Variants in EIPR1 observed in about 807,000 individuals in gnomAD.
EIPR1 encodes EARP and GARP complex-interacting protein 1.
EIPR1 carries 25 observed loss-of-function variants against 48.1 expected under a neutral mutation model. The observed-to-expected ratio is 0.52, with a 90% CI of 0.38 to 0.73. The LOEUF (loss-of-function observed/expected upper bound fraction) is 0.73, where lower values mean the gene tolerates loss of function less well. Among genes scored for constraint, EIPR1 ranks in the 30% least tolerant of loss-of-function variants. The probability of loss-of-function intolerance (pLI) is 0.00; values close to 1 mark genes in which losing one functional copy is unlikely to be tolerated. For synonymous variants in EIPR1, 204 were observed against 201.9 expected, an observed-to-expected ratio of 1.01 and a Z score of -0.09; for missense variants, 415 against 506.2, an observed-to-expected ratio of 0.82 and a Z score of 1.73.
intron 4 of EIPR1, among the ~76,000 whole-genome samples, chr2:3,222,344 G>A (rs1400142510): frequency 6.6e-6 from 1 of 152,188 alleles, no homozygotes; most frequent in Non-Finnish European, 1.5e-5. Flanking sequence ...CCTTGGCGTG[G>A]GCCAAGGGAT....
At chr2:3,297,749 G>A (rs1668646349) in intron 3 of EIPR1, among the ~76,000 whole-genome samples, 1 of 152,210 alleles carries the variant, frequency 6.6e-6, no homozygotes. Context: ...AAACCAGGTA[G>A]TGGGCCAGAA....
intron 4 of EIPR1, among the ~76,000 whole-genome samples, chr2:3,246,382 T>C (rs1331929091): frequency 1.3e-5 from 2 of 152,200 alleles, no homozygotes; most frequent in Non-Finnish European, 2.9e-5. Context: ...AAATGCCCCC[T>C]GTGCCTGGCG....
chr2:3,193,402 CTG>C (rs568438982), intron 7 of EIPR1, among the ~76,000 whole-genome samples: 22 of 152,362 alleles, frequency 1.4e-4, no homozygotes, highest in African/African-American at 5.1e-4. Flanking sequence ...CTCCACATAC[CTG>C]TGTCACTCAC....
chr2:3,222,982 A>G (rs1437798525), intron 4 of EIPR1, among the ~76,000 whole-genome samples: 13 of 152,178 alleles, frequency 8.5e-5, no homozygotes, highest in Admixed American at 8.5e-4. Context: ...GTCAAGGCAA[A>G]GAGGGAAAGG....
At chr2:3,373,093 TG>T (rs1659742402) in intron 1 of EIPR1, among the ~76,000 whole-genome samples, 1 of 152,136 alleles carries the variant, frequency 6.6e-6, no homozygotes. Context: ...AATCAATAAA[TG>T]TAATCCAGCA....
At chr2:3,274,943 T>C (rs1667803248) in intron 3 of EIPR1, among the ~76,000 whole-genome samples, 1 of 151,462 alleles carries the variant, frequency 6.6e-6, no homozygotes, top group Admixed American at 6.6e-5. Context: ...GTAAGAGAAA[T>C]GGAGCAAAAA....
intron 4 of EIPR1, among the ~76,000 whole-genome samples, chr2:3,228,122 C>T (rs1328451812): frequency 6.6e-6 from 1 of 152,256 alleles, no homozygotes; most frequent in Admixed American, 6.5e-5. Context: ...CAACAGCTTG[C>T]ACTGTGTGCC....
chr2:3,295,831 CCCTG>C (rs2103283815), intron 3 of EIPR1, among the ~76,000 whole-genome samples: 1 of 129,842 alleles, frequency 7.7e-6, no homozygotes, highest in Non-Finnish European at 1.6e-5. Flanking sequence ...CCCATCCTCT[CCCTG>C]CACACACACA....
At chr2:3,221,557 C>A (rs1180230065) in intron 4 of EIPR1, among the ~76,000 whole-genome samples, 1 of 15,238 alleles carries the variant, frequency 6.6e-5, no homozygotes, top group African/African-American at 1.3e-4. Context: ...CACACGCACA[C>A]AATGGCCGAG....
chr2:3,308,562 T>TCCA (rs1161489221), intron 3 of EIPR1, among the ~76,000 whole-genome samples: 1 of 152,096 alleles, frequency 6.6e-6, no homozygotes, highest in Non-Finnish European at 1.5e-5. Context: ...GGCCTCAGTC[T>TCCA]CCAGAGAGGA....
At chr2:3,270,084 G>A (rs1667658602) in intron 3 of EIPR1, among the ~76,000 whole-genome samples, 1 of 152,340 alleles carries the variant, frequency 6.6e-6, no homozygotes, top group Non-Finnish European at 1.5e-5. Context: ...TTGTCCAGAT[G>A]GGCAGATGGG....
At chr2:3,199,480 G>A (rs376976995) in intron 5 of EIPR1, among the ~76,000 whole-genome samples, 5 of 152,160 alleles carry the variant, frequency 3.3e-5, no homozygotes, top group South Asian at 2.1e-4. Context: ...CTTCTGTCAC[G>A]GCTTCAGCAG....
intron 4 of EIPR1, among the ~76,000 whole-genome samples, chr2:3,227,509 T>G (rs1464319300): frequency 1.3e-5 from 2 of 152,186 alleles, no homozygotes; most frequent in African/African-American, 4.8e-5. Context: ...TTTGGAAAAT[T>G]TGCAGCCTGA....
At chr2:3,308,012 G>A (rs113103027) in intron 3 of EIPR1, among the ~76,000 whole-genome samples, 7 of 152,216 alleles carry the variant, frequency 4.6e-5, no homozygotes, top group African/African-American at 1.7e-4. Flanking sequence ...TGCTCTCGGC[G>A]TCTCCCACAC....
chr2:3,256,218 C>T lies in EIPR1; in HGVS notation c.416+1081G>A, dbSNP rs186666284. Among the ~76,000 whole-genome samples, 36 of 152,358 alleles carry T rather than the reference C, an allele frequency of 2.4e-4. 1 individual carries two copies. The highest frequency in any genetic ancestry group is 2.3e-3 in the Admixed American group (35 of 15,302). ...CAGCACTGCTCTCCTCCATACCTGACGAGGGAAACCTGAGTCGGTCCTCAG... is the reference window on the plus strand; with the variant it reads ...CAGCACTGCTCTCCTCCATACCTGATGAGGGAAACCTGAGTCGGTCCTCAG... On this transcript the variant is annotated intron_variant, in intron 4 of 8. Transcript: ENST00000382125.
chr2:3,253,306 G>T (rs1419941598), intron 4 of EIPR1, among the ~76,000 whole-genome samples: 1 of 152,152 alleles, frequency 6.6e-6, no homozygotes, highest in Non-Finnish European at 1.5e-5. Context: ...AAATGTATTT[G>T]ATTGATGTCT....
chr2:3,208,554 C>CACTTCTCACT, intron 5 of EIPR1: 1 of 1,549,514 alleles, frequency 6.5e-7, no homozygotes, highest in Non-Finnish European at 8.7e-7. Context: ...GAGAAATGAC[C>CACTTCTCACT]ATTTGTTGGG....
intron 3 of EIPR1, among the ~76,000 whole-genome samples, chr2:3,280,354 G>A (rs939181897): frequency 3.9e-5 from 6 of 152,136 alleles, no homozygotes; most frequent in Non-Finnish European, 7.3e-5. Flanking sequence ...CCAACTCCTC[G>A]CCCGGCCTCG....
intron 5 of EIPR1, among the ~76,000 whole-genome samples, chr2:3,212,501 T>C (rs1034339568): frequency 6.6e-6 from 1 of 152,130 alleles, no homozygotes; most frequent in African/African-American, 2.4e-5. Flanking sequence ...TGCCCAAGTG[T>C]CTCACCCAAA....
Sources: allele counts gnomAD v4.1 joint callset (sites outside exome capture counted in the v4.1 genomes callset), GRCh38; gene constraint gnomAD v4.1.1; transcripts MANE v1.5; gene names NCBI Gene and HGNC (gene_info 2026-07-23, HGNC 2026-07-21).